DUSP29: variants seen among roughly 807,000 people sequenced by gnomAD.
The protein encoded by DUSP29 is dual specificity phosphatase 29.
Under a neutral mutation model 13.5 loss-of-function variants are expected in DUSP29, and 12 were observed. The ratio of observed to expected loss-of-function variants is 0.89; its 90% CI spans 0.57 to 1.44. DUSP29 has a LOEUF of 1.44. Ranked by LOEUF, DUSP29 falls within the 40% of genes most tolerant of loss-of-function variation. The pLI, the probability that DUSP29 is intolerant of heterozygous loss-of-function variation, is 0.00. For synonymous variants in DUSP29, 134 were observed against 128.7 expected (o/e 1.04, Z -0.28); for missense variants, 308 against 301.1 (o/e 1.02, Z -0.17).
Position 75,067,285 on chromosome 10 carries a change from C to T in DUSP29, c.-35+6284G>A, listed in dbSNP as rs1283035685. ...TGAATTTCTTTAAGTAAAAGAAAACCAAACAGGTATAGGGCCTTGGAAGCG... is the reference window on the plus strand; with the variant it reads ...TGAATTTCTTTAAGTAAAAGAAAACTAAACAGGTATAGGGCCTTGGAAGCG... On this transcript the variant is annotated intron_variant, in intron 1 of 3. Coordinates refer to ENST00000338487, the MANE Select transcript of DUSP29 (RefSeq NM_001003892.3). Among the ~76,000 whole-genome samples, 7 of 152,170 alleles carry T rather than the reference C, an allele frequency of 4.6e-5. No homozygotes were observed. The South Asian group carries it at 8.3e-4, about 18-fold the overall frequency.
chr10:75,067,958 G>A lies in DUSP29; in HGVS notation c.-35+5611C>T, dbSNP rs368762564. Among the ~76,000 whole-genome samples the A allele has an allele frequency of 2.8e-4, 43 of 152,062 alleles. No homozygotes were observed. The East Asian group carries it at 3.9e-3, about 14-fold the overall frequency. On this transcript the variant is annotated intron_variant, in intron 1 of 3. Coordinates refer to ENST00000338487, the MANE Select transcript of DUSP29 (RefSeq NM_001003892.3). ...CTCCAGGGTAGCTGGGATTACAGGC[G>A]CTCACCATCCCGCCCAGCTAATTTT...
chr10:75,047,163 T>G (rs2134286040), intron 2 of DUSP29, among the ~76,000 whole-genome samples: 1 of 152,322 alleles, frequency 6.6e-6, no homozygotes, highest in South Asian at 2.1e-4. Context: ...CCACAAGTTT[T>G]CAGGGTCTTG....
intron 1 of DUSP29, among the ~76,000 whole-genome samples, chr10:75,061,040 T>C (rs1378815227): frequency 6.6e-6 from 1 of 152,134 alleles, no homozygotes; most frequent in East Asian, 1.9e-4. Flanking sequence ...AGGTAGTTGT[T>C]GTTTCTCTTT....
At position 75,037,712 on chromosome 10, in the gene DUSP29, A is replaced by G; in HGVS notation, c.*124T>C. ...GTCCCCAGCACACATGGGGAAGTTG[A>G]ACAAGATGGTTTGGAAGAGTCGAGC... On this transcript the variant is annotated 3_prime_UTR_variant, in exon 4 of 4. Coordinates refer to ENST00000338487, the MANE Select transcript of DUSP29 (RefSeq NM_001003892.3). The G allele has an allele frequency of 1.4e-6, 2 of 1,473,290 alleles. No homozygotes were observed. The highest frequency in any genetic ancestry group is 2.7e-5 in the South Asian group (2 of 74,092). The allele number at this position is 1,473,290 out of a possible 1,614,324, so 91.3% of individuals were successfully genotyped here.
At chr10:75,068,908 A>AT (rs887262977) in intron 1 of DUSP29, among the ~76,000 whole-genome samples, 40 of 152,248 alleles carry the variant, frequency 2.6e-4, no homozygotes, top group Admixed American at 1.2e-3. Context: ...AAACTCAGGA[A>AT]TTTTTTGTGG....
At chr10:75,063,479 C>T (rs759881493) in intron 1 of DUSP29, among the ~76,000 whole-genome samples, 2 of 152,048 alleles carry the variant, frequency 1.3e-5, no homozygotes, top group Non-Finnish European at 2.9e-5. Context: ...GAGTTAACAT[C>T]CCCCAGAAGT....
chr10:75,050,503 A>G lies in DUSP29; in HGVS notation c.201-6486T>C, dbSNP rs148458153. The stretch of plus-strand genomic sequence containing the variant: ...TAAAGCCTAATTCATTTAATAGGCC[A>G]TTTCTTAAATAATTTTATTTTAGAG... On this transcript the variant is annotated intron_variant, in intron 2 of 3. Transcript: ENST00000338487. Among the ~76,000 whole-genome samples the G allele has an allele frequency of 7.0e-3, 1,066 of 152,400 alleles. 13 individuals are homozygous for G. Among genetic ancestry groups the G allele is most frequent in the African/African-American group, 0.024 (1,019 of 41,602 alleles).
intron 1 of DUSP29, among the ~76,000 whole-genome samples, chr10:75,064,388 G>A (rs1313655037): frequency 3.3e-5 from 5 of 152,108 alleles, no homozygotes; most frequent in Admixed American, 1.3e-4. Context: ...CATGCCTGTA[G>A]TCCCAGTGAC....
chr10:75,050,819 C>T lies in DUSP29; in HGVS notation c.201-6802G>A, dbSNP rs140576422. ...ACCCCAGGAATATCTGCAAGGTGGC[C>T]AGCCAGGCCCCACCCCTTCGACCCC... is the stretch of plus-strand genomic sequence containing the variant. On this transcript the variant is annotated intron_variant, in intron 2 of 3. Transcript: ENST00000338487. Among the ~76,000 whole-genome samples, 14 of 152,344 alleles carry T rather than the reference C, an allele frequency of 9.2e-5. No homozygotes were observed. The East Asian group carries it at 2.7e-3, about 29-fold the overall frequency.
intron 1 of DUSP29, among the ~76,000 whole-genome samples, chr10:75,068,579 G>A (rs1385489919): frequency 6.6e-6 from 1 of 152,186 alleles, no homozygotes; most frequent in African/African-American, 2.4e-5. Context: ...CATGGGGAAA[G>A]CTGGTCTGTG....
chr10:75,045,553 G>A (rs1352010987), intron 2 of DUSP29, among the ~76,000 whole-genome samples: 1 of 152,340 alleles, frequency 6.6e-6, no homozygotes, highest in East Asian at 1.9e-4. Context: ...CCACTGTGGG[G>A]AGGTGGTGTT....
At chr10:75,051,125 C>A (rs1846819685) in intron 2 of DUSP29, among the ~76,000 whole-genome samples, 1 of 152,192 alleles carries the variant, frequency 6.6e-6, no homozygotes, top group African/African-American at 2.4e-5. Flanking sequence ...AGCAGGCCCT[C>A]CTTCCAACAC....
intron 2 of DUSP29, among the ~76,000 whole-genome samples, chr10:75,049,063 T>C (rs7904278): frequency 0.066 from 9,989 of 152,320 alleles, 696 homozygotes; most frequent in African/African-American, 0.16. Flanking sequence ...GAAAGATTTA[T>C]GTCAGAATGT....
intron 1 of DUSP29, among the ~76,000 whole-genome samples, chr10:75,070,041 C>A (rs1410423286): frequency 3.6e-5 from 5 of 139,490 alleles, no homozygotes; most frequent in South Asian, 4.5e-4. Flanking sequence ...CAGAGTGAGA[C>A]CTTGTCAAAA....
chr10:75,052,730 G>T (rs1171980176), intron 2 of DUSP29, among the ~76,000 whole-genome samples: 1 of 152,222 alleles, frequency 6.6e-6, no homozygotes, highest in Non-Finnish European at 1.5e-5. Flanking sequence ...GAGATTACAG[G>T]CGTGAGCCAC....
chr10:75,043,708 C>CG lies in DUSP29; in HGVS notation c.421+88dup, dbSNP rs576625848. 2,297 of 1,079,942 alleles carry CG rather than the reference C, an allele frequency of 2.1e-3. 39 individuals carry two copies. The African/African-American group carries it at 0.056, about 26-fold the overall frequency. 66.9% of individuals were successfully genotyped at this position (1,079,942 alleles called of 1,614,324 possible). On this transcript the variant is annotated intron_variant, in intron 3 of 3. Coordinates refer to ENST00000338487, the MANE Select transcript of DUSP29 (RefSeq NM_001003892.3). The stretch of plus-strand genomic sequence containing the variant: ...GGCTAGGGGCGGAGCCTTAGTGGGG[C>CG]GGGGAAGGGGCGGGGCCTAAGCTAC...
chr10:75,042,284 C>G (rs928037582), intron 3 of DUSP29, among the ~76,000 whole-genome samples: 1 of 152,258 alleles, frequency 6.6e-6, no homozygotes, highest in African/African-American at 2.4e-5. Context: ...TTCTCCGAAG[C>G]CTGCCAGGCC....
At chr10:75,043,771 T>C in intron 3 of DUSP29, 26 bp downstream of exon 3, 1 of 1,586,224 alleles carries the variant, frequency 6.3e-7, no homozygotes, top group South Asian at 1.1e-5. Context: ...GCGGGGCCGA[T>C]CGGGGCGGGG....
chr10:75,045,586 A>C (rs1336013818), intron 2 of DUSP29, among the ~76,000 whole-genome samples: 1 of 152,082 alleles, frequency 6.6e-6, no homozygotes, highest in Non-Finnish European at 1.5e-5. Context: ...GAGGGATGAG[A>C]AGGCTGAGGA....
Sources: allele counts gnomAD v4.1 joint callset (sites outside exome capture counted in the v4.1 genomes callset), GRCh38; gene constraint gnomAD v4.1.1; transcripts MANE v1.5; gene names NCBI Gene and HGNC (gene_info 2026-07-23, HGNC 2026-07-21).